Variants in TENM3 observed in about 807,000 individuals in gnomAD.
The protein encoded by TENM3 is teneurin transmembrane protein 3.
In TENM3, 63 loss-of-function variants were observed where a neutral mutation model predicts 255.1. The ratio of observed to expected loss-of-function variants is 0.25; its 90% confidence interval spans 0.20 to 0.30. The LOEUF is 0.30. TENM3 is among the 10% of genes least tolerant of loss of function. The pLI, the probability that TENM3 is intolerant of heterozygous loss-of-function variation, is 1.00. For synonymous variants in TENM3, 1,306 were observed against 1,322.3 expected, an observed-to-expected ratio of 0.99 and a Z score of 0.27; for missense variants, 2,929 against 3,461.1, an observed-to-expected ratio of 0.85 and a Z score of 3.86.
the TENM3 span, among the ~76,000 whole-genome samples, chr4:181,459,378 A>T: frequency 6.6e-6 from 1 of 151,924 alleles, no homozygotes; most frequent in South Asian, 2.1e-4. Context: ...GACTTCATCA[A>T]TTTTTTTATG....
chr4:182,303,331 G>A (rs1028489480), intron 1 of TENM3, among the ~76,000 whole-genome samples: 3 of 152,148 alleles, frequency 2.0e-5, no homozygotes, highest in South Asian at 2.1e-4. Flanking sequence ...GTGCTGGGAC[G>A]TGCCACTGAC....
the TENM3 span, among the ~76,000 whole-genome samples, chr4:181,544,015 G>A: frequency 1.3e-5 from 2 of 151,998 alleles, no homozygotes; most frequent in Non-Finnish European, 2.9e-5. Context: ...TTAAACATGT[G>A]GTGAGAACAG....
chr4:181,501,521 G>A, the TENM3 span, among the ~76,000 whole-genome samples: 2 of 151,900 alleles, frequency 1.3e-5, no homozygotes, highest in Non-Finnish European at 2.9e-5. Flanking sequence ...GGGATTACAG[G>A]CACCCGCCAC....
chr4:182,180,972 G>A (rs1201240213), intron 1 of TENM3, among the ~76,000 whole-genome samples: 1 of 151,532 alleles, frequency 6.6e-6, no homozygotes. Flanking sequence ...GACTGAAGAA[G>A]AATTCTTCAC....
chr4:182,669,960 C>T (rs564331895), intron 6 of TENM3, among the ~76,000 whole-genome samples: 2 of 152,226 alleles, frequency 1.3e-5, no homozygotes, highest in South Asian at 2.1e-4. Flanking sequence ...TTCTCTCTCC[C>T]CTGAATCTTC....
the TENM3 span, among the ~76,000 whole-genome samples, chr4:181,875,708 G>A: frequency 6.6e-6 from 1 of 152,154 alleles, no homozygotes; most frequent in African/African-American, 2.4e-5. Context: ...GTTGGTGTAA[G>A]TGTGCCGATG....
At chr4:182,752,244 T>G (rs1762427712) in intron 20 of TENM3, among the ~76,000 whole-genome samples, 1 of 152,162 alleles carries the variant, frequency 6.6e-6, no homozygotes, top group Admixed American at 6.5e-5. Flanking sequence ...CAGTAAATAC[T>G]AGGTTCTTGG....
intron 3 of TENM3, among the ~76,000 whole-genome samples, chr4:182,374,384 TTC>T (rs1265894802): frequency 2.0e-5 from 3 of 152,206 alleles, no homozygotes; most frequent in Non-Finnish European, 2.9e-5. Context: ...ACTAAACATA[TTC>T]TCTCTCTTTC....
chr4:182,215,705 A>G (rs17072860), intron 1 of TENM3, among the ~76,000 whole-genome samples: 17,480 of 152,132 alleles, frequency 0.11, 1,602 homozygotes, highest in African/African-American at 0.26. Context: ...TCCTGGGGAT[A>G]TTGTTGTTCA....
At chr4:182,205,370 G>T (rs1432177195) in intron 1 of TENM3, among the ~76,000 whole-genome samples, 2 of 152,186 alleles carry the variant, frequency 1.3e-5, no homozygotes, top group Non-Finnish European at 1.5e-5. Context: ...CTAGAAACCT[G>T]GGTCTTTGCT....
the TENM3 span, among the ~76,000 whole-genome samples, chr4:181,879,530 C>T: frequency 8.5e-5 from 13 of 152,208 alleles, no homozygotes; most frequent in African/African-American, 2.2e-4. Flanking sequence ...ACAAGGTGCC[C>T]GGCTACTGAC....
At chr4:182,744,737 T>C (rs575896497) in intron 19 of TENM3, among the ~76,000 whole-genome samples, 1 of 152,302 alleles carries the variant, frequency 6.6e-6, no homozygotes, top group African/African-American at 2.4e-5. Context: ...TTTTCCTAAG[T>C]TGGGAGAATT....
At chr4:182,143,031 G>A (rs1179034044), upstream of TENM3, 1 of 167,660 alleles carries the variant, frequency 6.0e-6, no homozygotes, top group Non-Finnish European at 1.5e-5. This position sits in a 1 kb window ranked among gnomAD's most constrained non-coding sequence, Gnocchi z 4.3. Flanking sequence ...CGCTGCGGTG[G>A]GAACTTCAGT....
At chr4:182,387,610 C>T (rs1768052715) in intron 3 of TENM3, among the ~76,000 whole-genome samples, 1 of 152,178 alleles carries the variant, frequency 6.6e-6, no homozygotes, top group South Asian at 2.1e-4. Flanking sequence ...ACACTCGCCA[C>T]GAAGATCTGC....
intron 3 of TENM3, among the ~76,000 whole-genome samples, chr4:182,413,985 GT>G (rs1401063067): frequency 6.6e-6 from 1 of 152,114 alleles, no homozygotes; most frequent in Non-Finnish European, 1.5e-5. Flanking sequence ...CCACAAAAGT[GT>G]ACTATTGTTG....
chr4:182,024,953 C>T, the TENM3 span, among the ~76,000 whole-genome samples: 3 of 151,644 alleles, frequency 2.0e-5, no homozygotes, highest in African/African-American at 7.3e-5. Context: ...TGCTTCTGTG[C>T]CTGGCTTATT....
At chr4:181,710,445 C>T in the TENM3 span, among the ~76,000 whole-genome samples, 3 of 151,988 alleles carry the variant, frequency 2.0e-5, no homozygotes, top group South Asian at 2.1e-4. Flanking sequence ...AGGCTGGGCA[C>T]GGTGGCTCAC....
the TENM3 span, among the ~76,000 whole-genome samples, chr4:181,652,036 A>C: frequency 6.6e-6 from 1 of 152,004 alleles, no homozygotes; most frequent in South Asian, 2.1e-4. Context: ...TATAACATCT[A>C]ATGTAAAATC....
At chr4:181,709,898 A>G in the TENM3 span, among the ~76,000 whole-genome samples, 1 of 152,344 alleles carries the variant, frequency 6.6e-6, no homozygotes, top group East Asian at 1.9e-4. Context: ...GTCTTGCATG[A>G]CTGGTAAAGA....
Sources: gnomAD v4.1 joint callset for allele counts (sites outside exome capture counted in the v4.1 genomes callset) on GRCh38, gnomAD v4.1.1 for gene constraint, Gnocchi (gnomAD v3.1) non-coding constraint, MANE v1.5 for transcripts, NCBI Gene and HGNC (gene_info 2026-07-23, HGNC 2026-07-21) for gene names.